ROR1: variants seen among roughly 807,000 people sequenced by gnomAD.
ROR1 encodes the protein inactive tyrosine-protein kinase transmembrane receptor ROR1.
ROR1 carries 19 observed loss-of-function variants against 78.8 expected under a neutral mutation model. That is an observed-to-expected ratio of 0.24 (90% CI 0.17 to 0.35). The LOEUF (loss-of-function observed/expected upper bound fraction) is 0.35. Ranked by LOEUF, ROR1 falls within the 10% of genes least tolerant of loss-of-function variation. The pLI, the probability that ROR1 is intolerant of heterozygous loss-of-function variation, is 1.00. For missense variants in ROR1, 917 were observed against 1,177.8 expected (o/e 0.78, Z 3.24); for synonymous variants, 386 against 433.6 (o/e 0.89, Z 1.36).
intron 1 of ROR1, among the ~76,000 whole-genome samples, chr1:63,825,322 A>G (rs1481745354): frequency 2.0e-5 from 3 of 152,244 alleles, no homozygotes; most frequent in African/African-American, 7.2e-5. Context: ...TGGTATATCT[A>G]TACAATAGAA....
intron 7 of ROR1, among the ~76,000 whole-genome samples, chr1:64,150,906 TAGCAATA>T (rs1248575996): frequency 6.6e-6 from 1 of 152,248 alleles, no homozygotes; most frequent in Non-Finnish European, 1.5e-5. Flanking sequence ...TAAGCTGCTC[TAGCAATA>T]AGCTTCTGAA....
intron 4 of ROR1, among the ~76,000 whole-genome samples, chr1:64,118,729 T>A (rs1648413928): frequency 1.3e-5 from 2 of 151,850 alleles, no homozygotes; most frequent in Admixed American, 1.3e-4. Context: ...AGGAGGCTTT[T>A]TAGGCCTCGG....
chr1:64,143,272 C>T, intron 7 of ROR1: 1 of 978,928 alleles, frequency 1.0e-6, no homozygotes, highest in Non-Finnish European at 1.2e-6. Flanking sequence ...GTAATCCCAA[C>T]ACTCTAGGAA....
chr1:63,968,157 CT>C (rs1448091430), intron 1 of ROR1, among the ~76,000 whole-genome samples: 2 of 152,074 alleles, frequency 1.3e-5, no homozygotes, highest in Non-Finnish European at 2.9e-5. Flanking sequence ...TAGTCATCCA[CT>C]TTTAGGAATA....
At chr1:64,032,710 G>A (rs1017708296) in intron 2 of ROR1, among the ~76,000 whole-genome samples, 3 of 152,140 alleles carry the variant, frequency 2.0e-5, no homozygotes, top group African/African-American at 7.2e-5. Context: ...GATGCTATCA[G>A]GGAAGTGTAT....
At chr1:64,135,202 G>A (rs1649062153) in intron 4 of ROR1, among the ~76,000 whole-genome samples, 1 of 152,160 alleles carries the variant, frequency 6.6e-6, no homozygotes, top group Admixed American at 6.5e-5. Flanking sequence ...CCTTTGATAA[G>A]AAATGTGCAG....
intron 1 of ROR1, among the ~76,000 whole-genome samples, chr1:63,920,685 C>A (rs560520567): frequency 2.0e-5 from 3 of 152,216 alleles, no homozygotes; most frequent in African/African-American, 7.2e-5. Flanking sequence ...TGTCAGCCCA[C>A]CTCTCCTGGA....
At chr1:64,152,549 A>T (rs527650369) in intron 7 of ROR1, among the ~76,000 whole-genome samples, 5 of 152,188 alleles carry the variant, frequency 3.3e-5, no homozygotes, top group Non-Finnish European at 7.3e-5. Flanking sequence ...AAAACTTATT[A>T]GTAATCTTTT....
At chr1:64,169,296 G>T (rs570852235) in intron 8 of ROR1, among the ~76,000 whole-genome samples, 3 of 152,298 alleles carry the variant, frequency 2.0e-5, no homozygotes, top group African/African-American at 7.2e-5. Flanking sequence ...GAGGTTTAAT[G>T]GACTTACAGT....
chr1:63,990,426 G>T lies in ROR1; in HGVS notation c.92-18879G>T, dbSNP rs568553209. On this transcript the variant is annotated intron_variant, in intron 1 of 8. Transcript: ENST00000371079. ...TATCAGTTTCTAAATTTGCCCTTAG[G>T]AGGGTGAATAGAGTGCCTTAGAAAT... is the stretch of plus-strand genomic sequence containing the variant. 2.6e-5 allele frequency among the ~76,000 whole-genome samples: 4 copies of T among 152,238 alleles called. No homozygotes were observed. The East Asian group carries it at 7.7e-4, about 29-fold the overall frequency.
rs566143071 is a variant in ROR1, at chr1:63,983,234, A to G, written c.92-26071A>G. Among the ~76,000 whole-genome samples the G allele has an allele frequency of 2.6e-5, 4 of 152,214 alleles. No individual in the cohort carries two copies. The South Asian group carries it at 8.3e-4, about 32-fold the overall frequency. On this transcript the variant is annotated intron_variant, in intron 1 of 8. Transcript: ENST00000371079. The stretch of plus-strand genomic sequence containing the variant: ...CCCTCCGCATTTTACAGATATGGAA[A>G]CGGAAGTCCGGAAGACTCAGTGTGA...
chr1:63,865,383 C>T (rs1477182182), intron 1 of ROR1, among the ~76,000 whole-genome samples: 3 of 152,156 alleles, frequency 2.0e-5, no homozygotes, highest in Non-Finnish European at 4.4e-5. Flanking sequence ...TTGCTGTACT[C>T]TGGAAAACTT....
At chr1:63,791,818 ACCTAAAAT>A (rs1644728828) in intron 1 of ROR1, among the ~76,000 whole-genome samples, 1 of 152,060 alleles carries the variant, frequency 6.6e-6, no homozygotes, top group Admixed American at 6.5e-5. Flanking sequence ...CACCTTGTAA[ACCTAAAAT>A]CCTATCTGAG....
intron 1 of ROR1, among the ~76,000 whole-genome samples, chr1:63,966,919 T>A (rs1557587063): frequency 6.6e-6 from 1 of 152,198 alleles, no homozygotes; most frequent in Non-Finnish European, 1.5e-5. Flanking sequence ...TCACTCTTGT[T>A]TTTCAATGAC....
intron 1 of ROR1, among the ~76,000 whole-genome samples, chr1:63,858,261 C>CT (rs1055250950): frequency 1.3e-5 from 2 of 151,906 alleles, no homozygotes. Flanking sequence ...CTTTTTTATT[C>CT]TTTTTTCACT....
chr1:64,004,014 T>C (rs1646408320), intron 1 of ROR1, among the ~76,000 whole-genome samples: 1 of 152,230 alleles, frequency 6.6e-6, no homozygotes, highest in Non-Finnish European at 1.5e-5. Context: ...TGGAAATTCC[T>C]TGAGTGTCTC....
intron 1 of ROR1, among the ~76,000 whole-genome samples, chr1:63,946,224 C>T (rs538377665): frequency 1.3e-4 from 20 of 152,276 alleles, no homozygotes; most frequent in African/African-American, 4.8e-4. Flanking sequence ...AATATTCAAC[C>T]TAATCAAATA....
intron 1 of ROR1, among the ~76,000 whole-genome samples, chr1:63,846,480 C>T (rs1394476671): frequency 6.6e-6 from 1 of 150,578 alleles, no homozygotes; most frequent in Non-Finnish European, 1.5e-5. Flanking sequence ...TGAAGATTTC[C>T]GTGTTGGCAA....
At chr1:64,067,300 T>C (rs1180731516) in intron 4 of ROR1, among the ~76,000 whole-genome samples, 1 of 151,488 alleles carries the variant, frequency 6.6e-6, no homozygotes, top group East Asian at 1.9e-4. Flanking sequence ...TGAGCCAAAA[T>C]TGCACTACTG....
Sources: allele counts gnomAD v4.1 joint callset (sites outside exome capture counted in the v4.1 genomes callset), GRCh38; gene constraint gnomAD v4.1.1; transcripts MANE v1.5; gene names NCBI Gene and HGNC (gene_info 2026-07-23, HGNC 2026-07-21).